NECTIN3: variants seen among roughly 807,000 people sequenced by gnomAD.
NECTIN3 encodes the protein nectin-3.
Under a neutral mutation model 49.4 loss-of-function variants are expected in NECTIN3, and 8 were observed. The ratio of observed to expected loss-of-function variants is 0.16; its 90% CI spans 0.10 to 0.29. The LOEUF (loss-of-function observed/expected upper bound fraction) is 0.29, where lower values mean the gene tolerates loss of function less well. Ranked by LOEUF, NECTIN3 falls within the 10% of genes least tolerant of loss-of-function variation. The probability of loss-of-function intolerance (pLI) is 1.00; values close to 1 mark genes in which losing one functional copy is unlikely to be tolerated. For synonymous variants in NECTIN3, 277 were observed against 241.1 expected, an observed-to-expected ratio of 1.15 and a Z score of -1.38; for missense variants, 581 against 654.6, an observed-to-expected ratio of 0.89 and a Z score of 1.23.
chr3:111,086,281 T>C (rs550344061), intron 1 of NECTIN3, among the ~76,000 whole-genome samples: 1 of 152,322 alleles, frequency 6.6e-6, no homozygotes, highest in African/African-American at 2.4e-5. Flanking sequence ...AAGCAGTTCC[T>C]GAATATCTGT....
chr3:111,175,746 CT>C (rs995392966), intron 7 of NECTIN3, among the ~76,000 whole-genome samples: 2 of 152,156 alleles, frequency 1.3e-5, no homozygotes, highest in African/African-American at 4.8e-5. Context: ...GGAAGAGCTG[CT>C]TCTGCTTCAG....
At chr3:111,126,049 A>C (rs1197309389) in intron 4 of NECTIN3, 135 bp from the exon 5 acceptor site, 4 of 581,920 alleles carry the variant, frequency 6.9e-6, no homozygotes, top group Non-Finnish European at 1.1e-5. Context: ...TTTTTTTTAT[A>C]CTTTCAGTGA....
intron 4 of NECTIN3, among the ~76,000 whole-genome samples, chr3:111,124,929 G>C (rs1177792558): frequency 6.6e-6 from 1 of 151,816 alleles, no homozygotes; most frequent in South Asian, 2.1e-4. Flanking sequence ...TTGAATGAAG[G>C]AATAAGTGAA....
At position 111,123,801 on chromosome 3, in the gene NECTIN3, T is replaced by C. The variant is rs180998565; in HGVS notation, c.917+1563T>C. ...ACCCTGAAGTACAACTTTTCAACTT[T>C]GGCACTATTGATATTTTAGGCCGAT... On this transcript the variant is annotated intron_variant, in intron 4 of 5. Transcript: ENST00000485303. Among the ~76,000 whole-genome samples the C allele has an allele frequency of 3.9e-5, 6 of 152,304 alleles. No homozygotes were observed. The East Asian group carries it at 5.8e-4, about 15-fold the overall frequency.
chr3:111,158,124 T>C (rs2035134746), intron 7 of NECTIN3, among the ~76,000 whole-genome samples: 1 of 152,108 alleles, frequency 6.6e-6, no homozygotes, highest in African/African-American at 2.4e-5. Context: ...ATGGTTGCTT[T>C]ACAATTATGA....
intron 7 of NECTIN3, among the ~76,000 whole-genome samples, chr3:111,161,603 C>T (rs2035213715): frequency 1.3e-5 from 2 of 152,168 alleles, no homozygotes; most frequent in Admixed American, 1.3e-4. Context: ...ATTAGATTCT[C>T]ATAGGAGCAC....
intron 1 of NECTIN3, chr3:111,074,157 C>A (rs183475970): frequency 3.8e-5 from 17 of 448,002 alleles, no homozygotes; most frequent in Admixed American, 3.1e-4. Context: ...CGAGTTTTTT[C>A]CATCAACCTT....
intron 7 of NECTIN3, among the ~76,000 whole-genome samples, chr3:111,153,539 G>A (rs2035039614): frequency 6.6e-6 from 1 of 151,882 alleles, no homozygotes; most frequent in Non-Finnish European, 1.5e-5. Flanking sequence ...ACTAATATAT[G>A]CTACATCCTT....
chr3:111,147,348 CTTTT>C, intron 6 of NECTIN3: 4 of 1,018,648 alleles, frequency 3.9e-6, no homozygotes, highest in Non-Finnish European at 5.4e-6. Flanking sequence ...TTTTCTTTTG[CTTTT>C]TTTTTTTTTC....
chr3:111,096,519 C>A (rs554022017), intron 1 of NECTIN3, among the ~76,000 whole-genome samples: 1 of 152,174 alleles, frequency 6.6e-6, no homozygotes, highest in Non-Finnish European at 1.5e-5. Flanking sequence ...ATGGGGAAAA[C>A]GTCTCCATGC....
chr3:111,118,254 A>ATATATATATATAT lies in NECTIN3; in HGVS notation c.503-401_503-389dup, dbSNP rs2033780715. Among the ~76,000 whole-genome samples, 2 of 115,098 alleles carry ATATATATATATAT rather than the reference A, an allele frequency of 1.7e-5. 1 individual carries two copies. The highest frequency in any genetic ancestry group is 3.7e-5 in the Non-Finnish European group (2 of 53,394). The allele number at this position is 115,098 out of a possible 152,430, so 75.5% of individuals were successfully genotyped here. A position where few individuals can be genotyped will look rare whatever the true frequency, so the allele number is the denominator to read the frequency against. Reference sequence around the variant, plus strand: ...TTTTTACTGTAAAATGAAGCTATATATATATATATATATATATATATATAT... The same window carrying ATATATATATATAT: ...TTTTTACTGTAAAATGAAGCTATATATATATATATATATTATATATATATATATATATATATAT... On this transcript the variant is annotated intron_variant, in intron 2 of 5. Coordinates refer to ENST00000485303, the MANE Select transcript of NECTIN3 (RefSeq NM_015480.3).
At chr3:111,191,003 C>T (rs2035804125), upstream of NECTIN3, among the ~76,000 whole-genome samples, 1 of 152,136 alleles carries the variant, frequency 6.6e-6, no homozygotes, top group South Asian at 2.1e-4. Context: ...TTTCTACTCC[C>T]AGAGATTTGT....
chr3:111,072,540 C>G, intron 1 of NECTIN3: 1 of 1,535,864 alleles, frequency 6.5e-7, no homozygotes, highest in Non-Finnish European at 8.7e-7. Context: ...TGCACGTTTG[C>G]CGCTTTTTTT....
At chr3:111,078,073 ATTATAC>A (rs1261664568) in intron 1 of NECTIN3, among the ~76,000 whole-genome samples, 17 of 151,770 alleles carry the variant, frequency 1.1e-4, no homozygotes, top group African/African-American at 2.9e-4. Context: ...CAGTAGATAT[ATTATAC>A]TTATAGATCA....
In NECTIN3 at chr3:111,112,308, A is replaced by G. The variant is rs556290012; in HGVS notation, c.439A>G (p.Ile147Val). The G allele has an allele frequency of 1.2e-6, 2 of 1,613,806 alleles. No individual in the cohort carries two copies. Among genetic ancestry groups the G allele is most frequent in the East Asian group, 4.5e-5 (2 of 44,860 alleles). The change falls in exon 2 of 6, where the codon ATC becomes GTC. Residue 147 changes from isoleucine (I) to valine (V), a missense_variant. By Grantham distance (29) the Ile-to-Val change is conservative. This residue lies in a region of NECTIN3 where 234 missense variants were observed against 340.6 expected (regional missense o/e 0.69). Coordinates refer to ENST00000485303, the MANE Select transcript of NECTIN3 (RefSeq NM_015480.3). The stretch of plus-strand genomic sequence containing the variant: ...AGGATTCTCTGATTCTGGAAAATAC[A>G]TCTGCAAAGCTGTTACATTCCCGCT... ...NIGFSDSGKY[I>V]CKAVTFPLGN... is the part of the protein sequence containing the mutation.
At chr3:111,112,636 T>C (rs1316812987) in intron 2 of NECTIN3, among the ~76,000 whole-genome samples, 4 of 152,158 alleles carry the variant, frequency 2.6e-5, no homozygotes, top group South Asian at 2.1e-4. Context: ...GTTTTAATTA[T>C]ATACTAAGTT....
At chr3:111,072,630 A>G in intron 1 of NECTIN3, 4 of 1,477,354 alleles carry the variant, frequency 2.7e-6, no homozygotes, top group East Asian at 2.5e-5. Flanking sequence ...TCCACTTCTC[A>G]TGGCCTTCCA....
chr3:111,160,547 C>T (rs1046912528), intron 7 of NECTIN3, among the ~76,000 whole-genome samples: 5 of 151,996 alleles, frequency 3.3e-5, no homozygotes, highest in African/African-American at 9.7e-5. Flanking sequence ...CTATTTTTAC[C>T]GATATTTCAT....
At chr3:111,166,719 CTT>C (rs2035325520) in intron 7 of NECTIN3, among the ~76,000 whole-genome samples, 1 of 152,116 alleles carries the variant, frequency 6.6e-6, no homozygotes, top group Non-Finnish European at 1.5e-5. Context: ...CTTTGATAGT[CTT>C]GAGTGAAATG....
Sources: allele counts gnomAD v4.1 joint callset (sites outside exome capture counted in the v4.1 genomes callset), GRCh38; gene constraint gnomAD v4.1.1; regional missense constraint gnomAD v4.1.1; transcripts MANE v1.5; gene names NCBI Gene and HGNC (gene_info 2026-07-23, HGNC 2026-07-21).